The following EIF4E3 variants were observed in gnomAD, a reference collection of about 807,000 sequenced individuals.
The protein encoded by EIF4E3 is eukaryotic translation initiation factor 4E family member 3, also known as eukaryotic translation initiation factor 4E type 3.
In EIF4E3, 26 loss-of-function variants were observed where a neutral mutation model predicts 31.7. The observed-to-expected ratio is 0.82, with a 90% CI of 0.60 to 1.14. The LOEUF (loss-of-function observed/expected upper bound fraction) is 1.14, where lower values mean the gene tolerates loss of function less well. Ranked by LOEUF, EIF4E3 falls within the 50% of genes most tolerant of loss-of-function variation. The pLI is 0.00. For missense variants in EIF4E3, 304 were observed against 270.9 expected, an observed-to-expected ratio of 1.12 and a Z score of -0.86; for synonymous variants, 128 against 107.7, an observed-to-expected ratio of 1.19 and a Z score of -1.17.
chr3:71,698,076 A>G (rs114976781), intron 3 of EIF4E3, among the ~76,000 whole-genome samples: 1 of 152,128 alleles, frequency 6.6e-6, no homozygotes. Context: ...ACCAGCATTC[A>G]TTATTACCTG....
At chr3:71,694,268 TCTCA>T (rs2049103500) in intron 4 of EIF4E3, among the ~76,000 whole-genome samples, 1 of 152,252 alleles carries the variant, frequency 6.6e-6, no homozygotes, top group Non-Finnish European at 1.5e-5. Context: ...TTTCTTTACC[TCTCA>T]CTGATTCAAA....
chr3:71,748,060 G>A lies in EIF4E3; in HGVS notation c.-291+5403C>T, dbSNP rs1205283463. Among the ~76,000 whole-genome samples, 3 of 152,104 alleles carry A rather than the reference G, an allele frequency of 2.0e-5. No homozygotes were observed. In the East Asian group the frequency reaches 5.8e-4, roughly 29 times the overall value. On this transcript the variant is annotated intron_variant, in intron 1 of 7. Coordinates refer to the EIF4E3 transcript ENST00000295612. ...TGGATAGCAGGCTCTGGGCTTCCTTGACTAGGAGAGGTTTACGGCAAGGTG... is the reference window on the plus strand; with the variant it reads ...TGGATAGCAGGCTCTGGGCTTCCTTAACTAGGAGAGGTTTACGGCAAGGTG...
the EIF4E3 span, among the ~76,000 whole-genome samples, chr3:71,661,783 C>G: frequency 6.6e-6 from 1 of 152,176 alleles, no homozygotes; most frequent in East Asian, 1.9e-4. Context: ...CTTAACCACT[C>G]TGAGCCTCTG....
chr3:71,660,836 T>G, the EIF4E3 span, among the ~76,000 whole-genome samples: 1 of 152,154 alleles, frequency 6.6e-6, no homozygotes, highest in African/African-American at 2.4e-5. Flanking sequence ...GTAACCAGTC[T>G]GGGGCCATCA....
At chr3:71,708,403 T>C (rs557670749) in intron 2 of EIF4E3, among the ~76,000 whole-genome samples, 1 of 152,186 alleles carries the variant, frequency 6.6e-6, no homozygotes, top group African/African-American at 2.4e-5. Context: ...TGTATGTGCG[T>C]ACCCTTGTCA....
chr3:71,730,554 A>T (rs1402331584), intron 1 of EIF4E3, among the ~76,000 whole-genome samples: 1 of 152,174 alleles, frequency 6.6e-6, no homozygotes, highest in South Asian at 2.1e-4. Context: ...GCATGTGTTA[A>T]GCATCTGCAG....
rs1202329361 is a variant in EIF4E3 at position 71,680,747 on chromosome 3, C to T, written c.*3935G>A. 1 of 152,170 alleles carries T rather than the reference C, an allele frequency of 6.6e-6. No homozygotes were observed. The highest frequency in any genetic ancestry group is 1.5e-5 in the Non-Finnish European group (1 of 68,032). The allele number at this position is 152,170 out of a possible 1,614,324, so 9.4% of individuals were successfully genotyped here. ...TCAGTCCCTATTTTTTCCCACTTCA[C>T]CCTCTGACTCCTCCCAGCTGTTGAG... On this transcript the variant is annotated 3_prime_UTR_variant, in exon 7 of 7. Coordinates refer to ENST00000425534, the MANE Select transcript of EIF4E3 (RefSeq NM_001134651.2).
At chr3:71,716,823 T>C (rs949330431) in intron 1 of EIF4E3, among the ~76,000 whole-genome samples, 5 of 152,092 alleles carry the variant, frequency 3.3e-5, no homozygotes, top group African/African-American at 1.2e-4. Flanking sequence ...GCATGACCAA[T>C]ATTCAGCCTG....
chr3:71,682,921 T>TA lies in EIF4E3; in HGVS notation c.*1760dup, dbSNP rs771423719. 1 of 152,480 alleles carries TA rather than the reference T, an allele frequency of 6.6e-6. No individual in the cohort carries two copies. Among genetic ancestry groups the TA allele is most frequent in the Non-Finnish European group, 1.5e-5 (1 of 68,032 alleles). The allele number at this position is 152,480 out of a possible 1,614,324, so 9.4% of individuals were successfully genotyped here. A position where few individuals can be genotyped will look rare whatever the true frequency, so the allele number is the denominator to read the frequency against. On this transcript the variant is annotated 3_prime_UTR_variant, in exon 7 of 7. Transcript: ENST00000425534. Reference sequence around the variant, plus strand: ...TTCAATCAGAAAAATACTTATATTATAAAAAAGTTTTAATTCATGTCCAGA... The same window carrying TA: ...TTCAATCAGAAAAATACTTATATTATAAAAAAAGTTTTAATTCATGTCCAGA...
chr3:71,721,903 G>A (rs1559606311), intron 1 of EIF4E3, among the ~76,000 whole-genome samples: 2 of 152,132 alleles, frequency 1.3e-5, no homozygotes. Context: ...ATGGAGGTGA[G>A]AGCACTCCAA....
intron 3 of EIF4E3, among the ~76,000 whole-genome samples, chr3:71,697,089 C>T (rs1018067107): frequency 7.2e-5 from 11 of 152,270 alleles, no homozygotes; most frequent in African/African-American, 2.4e-4. Flanking sequence ...GATCGTAGCT[C>T]ACTGTAGCCT....
downstream of EIF4E3, among the ~76,000 whole-genome samples, chr3:71,673,572 T>C (rs1032132119): frequency 2.0e-5 from 3 of 152,048 alleles, no homozygotes; most frequent in South Asian, 4.1e-4. Context: ...ACACCGCTTA[T>C]GACAACATTC....
Position 71,676,064 on chromosome 3 carries a change from G to A in EIF4E3, c.*8618C>T, listed in dbSNP as rs1454832615. On this transcript the variant is annotated 3_prime_UTR_variant, in exon 7 of 7. Transcript: ENST00000425534. ...CTCCATACATGCTATTGTTATTGTG[G>A]ATATTATAGCTATGGACAGAGCCAC... The A allele has an allele frequency of 6.6e-6, 1 of 152,198 alleles. No individual in the cohort carries two copies. Among genetic ancestry groups the A allele is most frequent in the Non-Finnish European group, 1.5e-5 (1 of 68,040 alleles). 9.4% of individuals were successfully genotyped at this position (152,198 alleles called of 1,614,324 possible).
At chr3:71,705,100 C>T (rs899697272) in intron 2 of EIF4E3, among the ~76,000 whole-genome samples, 25 of 152,318 alleles carry the variant, frequency 1.6e-4, no homozygotes, top group African/African-American at 5.8e-4. Context: ...CCTCTCTCCC[C>T]TCAGGCCCCT....
chr3:71,745,561 C>T (rs1338401283), intron 1 of EIF4E3, among the ~76,000 whole-genome samples: 1 of 152,122 alleles, frequency 6.6e-6, no homozygotes. Flanking sequence ...ATTTGATTTT[C>T]GACCAAATAA....
chr3:71,690,712 T>G (rs1052495621), intron 5 of EIF4E3, among the ~76,000 whole-genome samples: 1 of 152,214 alleles, frequency 6.6e-6, no homozygotes, highest in Non-Finnish European at 1.5e-5. Context: ...TGCGGTTTAC[T>G]TGTCTGCTCC....
chr3:71,686,543 A>AGAGTGTGT (rs1553659503), intron 6 of EIF4E3, among the ~76,000 whole-genome samples: 1 of 143,498 alleles, frequency 7.0e-6, no homozygotes, highest in South Asian at 2.2e-4. Flanking sequence ...TTTCACATTG[A>AGAGTGTGT]GTGTGTGTGT....
Position 71,682,830 on chromosome 3 carries a change from A to G in EIF4E3, c.*1852T>C, listed in dbSNP as rs900226500. The G allele has an allele frequency of 1.3e-5, 2 of 152,652 alleles. No individual in the cohort carries two copies. Among genetic ancestry groups the G allele is most frequent in the African/African-American group, 4.8e-5 (2 of 41,462 alleles). 9.5% of individuals were successfully genotyped at this position (152,652 alleles called of 1,614,324 possible). On this transcript the variant is annotated 3_prime_UTR_variant, in exon 7 of 7. Transcript: ENST00000425534. Reference sequence around the variant, plus strand: ...TAAATAAAGTTCAAAAAATAAAAATACTTCAAAATCCATTTACTTATGGAA... The same window carrying G: ...TAAATAAAGTTCAAAAAATAAAAATGCTTCAAAATCCATTTACTTATGGAA...
chr3:71,684,681 A>G lies in EIF4E3; in HGVS notation c.*1T>C, dbSNP rs374822068. On this transcript the variant is annotated 3_prime_UTR_variant, in exon 7 of 7. Coordinates refer to ENST00000425534, the MANE Select transcript of EIF4E3 (RefSeq NM_001134651.2). ...GACAAAGAATTCTTTACAGAGTGCA[A>G]TTAGTGTTTTCCACGTCCACCTTCA... 9 of 1,613,942 alleles carry G rather than the reference A, an allele frequency of 5.6e-6. No homozygotes were observed. Among genetic ancestry groups the G allele is most frequent in the Non-Finnish European group, 7.6e-6 (9 of 1,179,972 alleles).
Sources: gnomAD v4.1 joint callset for allele counts (sites outside exome capture counted in the v4.1 genomes callset) on GRCh38, gnomAD v4.1.1 for gene constraint, MANE v1.5 for transcripts, NCBI Gene and HGNC (gene_info 2026-07-23, HGNC 2026-07-21) for gene names.